The following ITSN1 variants were observed in gnomAD, a reference collection of about 807,000 sequenced individuals.
ITSN1 encodes the protein intersectin-1.
A neutral mutation model predicts 239.8 loss-of-function variants in ITSN1; 58 were observed. The ratio of observed to expected loss-of-function variants is 0.24; its 90% CI spans 0.20 to 0.30. ITSN1 has a LOEUF of 0.30. ITSN1 is among the 10% of genes least tolerant of loss of function. The pLI, the probability that ITSN1 is intolerant of heterozygous loss-of-function variation, is 1.00. For synonymous variants in ITSN1, 780 were observed against 770.8 expected, an observed-to-expected ratio of 1.01 and a Z score of -0.20; for missense variants, 1,558 against 2,103.3, an observed-to-expected ratio of 0.74 and a Z score of 5.07.
At chr21:33,879,710 C>T (rs1022916687) in intron 34 of ITSN1, among the ~76,000 whole-genome samples, 1 of 152,130 alleles carries the variant, frequency 6.6e-6, no homozygotes, top group Non-Finnish European at 1.5e-5. Context: ...GACAGAGTCT[C>T]ACTCTCTTAC....
chr21:33,882,234 CTT>C lies in ITSN1; in HGVS notation c.4342-7_4342-6del, dbSNP rs1985059740. On this transcript the variant is annotated splice_region_variant and splice_polypyrimidine_tract_variant and intron_variant, in intron 34 of 39. Transcript: ENST00000381318. This position sits in a 1 kb window ranked among gnomAD's most constrained non-coding sequence, Gnocchi z 4.5. ...ATGCTACACTTTGGGTTTTGTTTTC[CTT>C]TCTCAGCAACTTGTGTTCAATTCAG... is the stretch of plus-strand genomic sequence containing the variant. 1.2e-5 allele frequency: 20 copies of C among 1,610,864 alleles called. No homozygotes were observed. The highest frequency in any genetic ancestry group is 4.0e-5 in the African/African-American group (3 of 74,674).
At chr21:33,780,669 A>G (rs2070092186) in intron 14 of ITSN1, among the ~76,000 whole-genome samples, 1 of 152,224 alleles carries the variant, frequency 6.6e-6, no homozygotes, top group South Asian at 2.1e-4. Context: ...TTTCAAACAA[A>G]AAGTCAATAC....
chr21:33,835,594 CA>C (rs2074554902), intron 28 of ITSN1, among the ~76,000 whole-genome samples: 1 of 152,104 alleles, frequency 6.6e-6, no homozygotes, highest in Admixed American at 6.5e-5. Context: ...TTCAGGACAA[CA>C]TTTTGAGATG....
intron 11 of ITSN1, among the ~76,000 whole-genome samples, chr21:33,768,668 AGAT>A (rs1028490126): frequency 1.1e-4 from 17 of 152,200 alleles, no homozygotes; most frequent in African/African-American, 4.1e-4. Flanking sequence ...ATTAATGATG[AGAT>A]GATAATGATA....
intron 12 of ITSN1, chr21:33,774,526 A>G (rs2069441831): frequency 4.2e-6 from 2 of 480,980 alleles, no homozygotes; most frequent in Non-Finnish European, 7.4e-6. Flanking sequence ...ATGTAAATAT[A>G]ATACCCAGTT....
chr21:33,807,246 G>A (rs2072523859), intron 20 of ITSN1, among the ~76,000 whole-genome samples: 1 of 152,142 alleles, frequency 6.6e-6, no homozygotes, highest in Non-Finnish European at 1.5e-5. Flanking sequence ...TCACTCCTAG[G>A]TGTACACTGC....
At chr21:33,684,184 C>A (rs1482273943) in intron 1 of ITSN1, among the ~76,000 whole-genome samples, 2 of 152,130 alleles carry the variant, frequency 1.3e-5, no homozygotes, top group African/African-American at 4.8e-5. Context: ...ACCTTGTTTC[C>A]ATGTGACTAC....
At chr21:33,722,540 T>C in intron 3 of ITSN1, 48 bp from the exon 4 acceptor site, 1 of 1,536,002 alleles carries the variant, frequency 6.5e-7, no homozygotes, top group Non-Finnish European at 8.7e-7. Flanking sequence ...TTCTGTCAGC[T>C]GTTGTTTTTT....
intron 11 of ITSN1, among the ~76,000 whole-genome samples, chr21:33,770,631 A>C (rs1019670128): frequency 2.6e-5 from 4 of 152,112 alleles, no homozygotes; most frequent in Non-Finnish European, 4.4e-5. Flanking sequence ...CCTGTTGTGG[A>C]TATTTCATAT....
At chr21:33,823,258 G>T (rs575953132) in intron 24 of ITSN1, among the ~76,000 whole-genome samples, 75 of 152,284 alleles carry the variant, frequency 4.9e-4, no homozygotes, top group African/African-American at 1.7e-3. Flanking sequence ...TCCTGTGTCT[G>T]GGTCTTCCCA....
chr21:33,816,401 G>C (rs1359131775), intron 22 of ITSN1, among the ~76,000 whole-genome samples: 1 of 152,116 alleles, frequency 6.6e-6, no homozygotes, highest in African/African-American at 2.4e-5. Flanking sequence ...CACACATCTT[G>C]CATTACCATG....
chr21:33,831,561 C>T (rs573341798), intron 27 of ITSN1, among the ~76,000 whole-genome samples: 32 of 152,280 alleles, frequency 2.1e-4, no homozygotes, highest in African/African-American at 7.2e-4. Context: ...CCACGGAAGA[C>T]AGACCCTCAG....
At chr21:33,746,827 A>G (rs1383533368) in intron 5 of ITSN1, among the ~76,000 whole-genome samples, 1 of 151,582 alleles carries the variant, frequency 6.6e-6, no homozygotes, top group African/African-American at 2.4e-5. Context: ...GGGAAACAAG[A>G]GTGAAACTCT....
chr21:33,651,559 T>G lies in ITSN1; in HGVS notation c.-33+8846T>G, dbSNP rs2088536984. Among the ~76,000 whole-genome samples, 3 of 152,218 alleles carry G rather than the reference T, an allele frequency of 2.0e-5. 1 individual carries two copies. The highest frequency in any genetic ancestry group is 4.1e-4 in the South Asian group (2 of 4,836). On this transcript the variant is annotated intron_variant, in intron 1 of 39. Coordinates refer to ENST00000381318, the MANE Select transcript of ITSN1 (RefSeq NM_003024.3). Reference sequence around the variant, plus strand: ...AACCCCATAAAATTATTACTATTGATCAAATGAAATAGCAGTGTAAGACAA... The same window carrying G: ...AACCCCATAAAATTATTACTATTGAGCAAATGAAATAGCAGTGTAAGACAA...
chr21:33,738,044 A>G (rs1407675480), intron 5 of ITSN1, among the ~76,000 whole-genome samples: 1 of 151,788 alleles, frequency 6.6e-6, no homozygotes, highest in African/African-American at 2.4e-5. Context: ...TTAGCTGGGT[A>G]TGGTGGTGTG....
intron 16 of ITSN1, among the ~76,000 whole-genome samples, chr21:33,793,299 C>T (rs376570073): frequency 6.6e-6 from 1 of 152,254 alleles, no homozygotes; most frequent in Non-Finnish European, 1.5e-5. Context: ...TGATAGAAGA[C>T]GACAGGGCAA....
chr21:33,737,940 T>G (rs1391841005), intron 5 of ITSN1, among the ~76,000 whole-genome samples: 1 of 152,070 alleles, frequency 6.6e-6, no homozygotes, highest in Non-Finnish European at 1.5e-5. Context: ...CTCAGCACTT[T>G]GGGAGGCCGA....
At chr21:33,854,201 TG>T (rs1978878602) in intron 29 of ITSN1, among the ~76,000 whole-genome samples, 1 of 152,238 alleles carries the variant, frequency 6.6e-6, no homozygotes, top group Admixed American at 6.5e-5. Context: ...AAGGCAACTG[TG>T]GGGCATCCTT....
chr21:33,651,405 C>A (rs1412846943), intron 1 of ITSN1, among the ~76,000 whole-genome samples: 3 of 152,126 alleles, frequency 2.0e-5, no homozygotes, highest in African/African-American at 7.2e-5. Flanking sequence ...TGGATGTTGA[C>A]GTTTCTACCT....
Sources: allele counts gnomAD v4.1 joint callset (sites outside exome capture counted in the v4.1 genomes callset), GRCh38; gene constraint gnomAD v4.1.1; non-coding constraint Gnocchi (gnomAD v3.1); transcripts MANE v1.5; gene names NCBI Gene and HGNC (gene_info 2026-07-23, HGNC 2026-07-21).